PPM1L: variants seen among roughly 807,000 people sequenced by gnomAD.
PPM1L encodes the protein protein phosphatase, Mg2+/Mn2+ dependent 1L, also known as protein phosphatase 1L.
A neutral mutation model predicts 31.4 loss-of-function variants in PPM1L; 13 were observed. The ratio of observed to expected loss-of-function variants is 0.41; its 90% CI spans 0.27 to 0.66. The LOEUF is 0.66. Ranked by LOEUF, PPM1L falls within the 30% of genes least tolerant of loss-of-function variation. PPM1L has a pLI of 0.29. For missense variants in PPM1L, 326 were observed against 453.7 expected (o/e 0.72, Z 2.56); for synonymous variants, 184 against 175.4 (o/e 1.05, Z -0.39).
intron 2 of PPM1L, among the ~76,000 whole-genome samples, chr3:160,967,290 G>T (rs1716182912): frequency 6.6e-6 from 1 of 151,882 alleles, no homozygotes; most frequent in Non-Finnish European, 1.5e-5. Flanking sequence ...CCAGTCTTGG[G>T]TATTTCTTCA....
chr3:161,026,852 T>C (rs1473898482), intron 2 of PPM1L, among the ~76,000 whole-genome samples: 1 of 152,128 alleles, frequency 6.6e-6, no homozygotes, highest in African/African-American at 2.4e-5. Flanking sequence ...CCATGCCAAT[T>C]GTTGAGTTTA....
intron 1 of PPM1L, among the ~76,000 whole-genome samples, chr3:160,892,256 C>T (rs191894009): frequency 3.3e-5 from 5 of 152,206 alleles, no homozygotes; most frequent in African/African-American, 1.2e-4. Flanking sequence ...CTGGGGAAGC[C>T]TCAGGGAGCT....
intron 1 of PPM1L, among the ~76,000 whole-genome samples, chr3:160,805,162 C>A (rs1450228944): frequency 6.6e-6 from 1 of 152,214 alleles, no homozygotes; most frequent in African/African-American, 2.4e-5. Flanking sequence ...CTGTATTCCA[C>A]TGGCGTATGT....
rs116139190 is a variant in PPM1L at position 161,009,084 on chromosome 3, G to A, written c.574+47174G>A. On this transcript the variant is annotated intron_variant, in intron 2 of 3. Coordinates refer to ENST00000498165, the MANE Select transcript of PPM1L (RefSeq NM_139245.4). The stretch of plus-strand genomic sequence containing the variant: ...AGAAAAGCCAGTGCCAGTGATGTGG[G>A]AGATAATTGTTTTCTCAGAAAATAT... 4.2e-3 allele frequency among the ~76,000 whole-genome samples: 643 copies of A among 152,300 alleles called. 2 individuals carry two copies. Among genetic ancestry groups the A allele is most frequent in the African/African-American group, 0.015 (617 of 41,566 alleles).
chr3:160,825,731 A>C (rs1713339166), intron 1 of PPM1L, among the ~76,000 whole-genome samples: 2 of 152,176 alleles, frequency 1.3e-5, no homozygotes, highest in Admixed American at 1.3e-4. Flanking sequence ...CAGATTTGAC[A>C]ATTTTTTTGA....
intron 1 of PPM1L, among the ~76,000 whole-genome samples, chr3:160,877,484 AC>A (rs1254461211): frequency 2.6e-5 from 4 of 152,192 alleles, no homozygotes; most frequent in Non-Finnish European, 4.4e-5. Context: ...GAGGGTAGGT[AC>A]CAGGTGCCAT....
At chr3:160,967,590 C>G (rs552197276) in intron 2 of PPM1L, among the ~76,000 whole-genome samples, 2 of 152,070 alleles carry the variant, frequency 1.3e-5, no homozygotes, top group East Asian at 3.9e-4. Flanking sequence ...CATCCCCCAC[C>G]TCATAATACC....
intron 1 of PPM1L, among the ~76,000 whole-genome samples, chr3:160,836,742 A>G (rs574734778): frequency 6.6e-6 from 1 of 152,226 alleles, no homozygotes; most frequent in South Asian, 2.1e-4. Flanking sequence ...TTAGTCAATC[A>G]AGCACTCTTG....
chr3:161,045,479 G>A lies in PPM1L; in HGVS notation c.575-19924G>A, dbSNP rs549778849. Among the ~76,000 whole-genome samples, 793 of 152,074 alleles carry A rather than the reference G, an allele frequency of 5.2e-3. 4 individuals carry two copies. The highest frequency in any genetic ancestry group is 0.018 in the African/African-American group (754 of 41,388). On this transcript the variant is annotated intron_variant, in intron 2 of 3. Coordinates refer to ENST00000498165, the MANE Select transcript of PPM1L (RefSeq NM_139245.4). ...AGGATTAAGAAACTTAATCAAAACC[G>A]TTCAACTACATGGAAACTGAACAAC...
intron 2 of PPM1L, among the ~76,000 whole-genome samples, chr3:160,988,122 G>A (rs1283240685): frequency 1.3e-5 from 2 of 152,192 alleles, no homozygotes; most frequent in Non-Finnish European, 2.9e-5. Context: ...GGGCAAGAGA[G>A]GAGGAATAGG....
chr3:160,773,991 T>C (rs1711505450), intron 1 of PPM1L, among the ~76,000 whole-genome samples: 1 of 152,194 alleles, frequency 6.6e-6, no homozygotes, highest in African/African-American at 2.4e-5. Flanking sequence ...TCAGAATCTT[T>C]GGAGCTTCTA....
chr3:160,944,126 G>C (rs1369071321), intron 1 of PPM1L, among the ~76,000 whole-genome samples: 1 of 151,846 alleles, frequency 6.6e-6, no homozygotes, highest in African/African-American at 2.4e-5. Flanking sequence ...TTTTCTTGCT[G>C]TTTGAGAGAC....
chr3:160,999,386 T>C (rs1034115940), intron 2 of PPM1L, among the ~76,000 whole-genome samples: 1 of 152,190 alleles, frequency 6.6e-6, no homozygotes, highest in South Asian at 2.1e-4. Flanking sequence ...TGCCCTAATC[T>C]ACCTATGACT....
At chr3:160,997,911 A>G (rs1717374897) in intron 2 of PPM1L, among the ~76,000 whole-genome samples, 1 of 152,216 alleles carries the variant, frequency 6.6e-6, no homozygotes, top group Admixed American at 6.5e-5. Context: ...AAAACTTTCA[A>G]TAGCCAAGAA....
At chr3:160,975,647 A>G (rs1325420140) in intron 2 of PPM1L, among the ~76,000 whole-genome samples, 1 of 152,108 alleles carries the variant, frequency 6.6e-6, no homozygotes, top group Non-Finnish European at 1.5e-5. Flanking sequence ...TGTGAATGAG[A>G]GTTCACTCAT....
At chr3:161,059,063 G>A (rs1465883765) in intron 2 of PPM1L, among the ~76,000 whole-genome samples, 1 of 152,152 alleles carries the variant, frequency 6.6e-6, no homozygotes, top group Admixed American at 6.5e-5. Flanking sequence ...ATTTGCATTT[G>A]TGTGTCTTCC....
At chr3:160,864,044 C>T (rs952600894) in intron 1 of PPM1L, among the ~76,000 whole-genome samples, 8 of 152,170 alleles carry the variant, frequency 5.3e-5, no homozygotes, top group African/African-American at 1.9e-4. Flanking sequence ...AATCTACTTC[C>T]ATTACTCAGA....
intron 2 of PPM1L, among the ~76,000 whole-genome samples, chr3:161,039,489 G>A (rs1204469701): frequency 6.6e-6 from 1 of 151,970 alleles, no homozygotes. Context: ...AGCCTCACTT[G>A]GAATTTTATG....
At chr3:160,836,162 T>C (rs1254996533) in intron 1 of PPM1L, among the ~76,000 whole-genome samples, 1 of 152,206 alleles carries the variant, frequency 6.6e-6, no homozygotes, top group African/African-American at 2.4e-5. Context: ...CTCTGAAGGC[T>C]TCTGGAAGTA....
Sources: gnomAD v4.1 joint callset for allele counts (sites outside exome capture counted in the v4.1 genomes callset) on GRCh38, gnomAD v4.1.1 for gene constraint, MANE v1.5 for transcripts, NCBI Gene and HGNC (gene_info 2026-07-23, HGNC 2026-07-21) for gene names.